The following KLHL1 variants were observed in gnomAD, a reference collection of about 807,000 sequenced individuals.
KLHL1 encodes the protein kelch like family member 1.
KLHL1 carries 47 observed loss-of-function variants against 77.7 expected under a neutral mutation model. The observed-to-expected ratio is 0.60, with a 90% CI of 0.48 to 0.77. The LOEUF (loss-of-function observed/expected upper bound fraction) is 0.77. KLHL1 is among the 30% of genes least tolerant of loss of function. The pLI is 0.00. For missense variants in KLHL1, 925 were observed against 910.8 expected, an observed-to-expected ratio of 1.02 and a Z score of -0.20; for synonymous variants, 360 against 325.2, an observed-to-expected ratio of 1.11 and a Z score of -1.15.
At chr13:69,849,706 A>C (rs1287786995) in intron 5 of KLHL1, among the ~76,000 whole-genome samples, 2 of 121,692 alleles carry the variant, frequency 1.6e-5, no homozygotes, top group Non-Finnish European at 3.5e-5. Context: ...AATATGCTAA[A>C]TTATAAACTT....
chr13:70,061,788 T>C (rs1886895447), intron 1 of KLHL1, among the ~76,000 whole-genome samples: 1 of 152,222 alleles, frequency 6.6e-6, no homozygotes, highest in South Asian at 2.1e-4. Flanking sequence ...TATTTTTGGC[T>C]TATCTTTTTT....
At chr13:69,808,292 T>A (rs1044980875) in intron 6 of KLHL1, among the ~76,000 whole-genome samples, 1 of 152,106 alleles carries the variant, frequency 6.6e-6, no homozygotes, top group African/African-American at 2.4e-5. Context: ...CTTTTCTTCC[T>A]TCTCTGTTGC....
At chr13:70,049,238 G>T (rs1555293448) in intron 1 of KLHL1, among the ~76,000 whole-genome samples, 1 of 150,226 alleles carries the variant, frequency 6.7e-6, no homozygotes, top group Admixed American at 6.6e-5. Flanking sequence ...AGAACTAAAT[G>T]AAAAAAAAAT....
intron 9 of KLHL1, among the ~76,000 whole-genome samples, chr13:69,711,921 G>C (rs1875894974): frequency 6.6e-6 from 1 of 152,088 alleles, no homozygotes; most frequent in African/African-American, 2.4e-5. Flanking sequence ...CTGGTGGGTA[G>C]GTGATGGTAT....
At chr13:69,929,023 G>T (rs1882907817) in intron 4 of KLHL1, among the ~76,000 whole-genome samples, 1 of 151,930 alleles carries the variant, frequency 6.6e-6, no homozygotes, top group African/African-American at 2.4e-5. Flanking sequence ...GTTTTGTGGG[G>T]ACATAACAGT....
At chr13:69,955,424 C>A (rs1264009550) in intron 3 of KLHL1, among the ~76,000 whole-genome samples, 1 of 151,278 alleles carries the variant, frequency 6.6e-6, no homozygotes, top group African/African-American at 2.4e-5. Context: ...TAAAGGTCTG[C>A]CATTTGGCAG....
At chr13:69,721,079 A>ATATATATATATATATATATATAT (rs1555300737) in intron 8 of KLHL1, among the ~76,000 whole-genome samples, 34 of 67,620 alleles carry the variant, frequency 5.0e-4, no homozygotes, top group Non-Finnish European at 8.8e-4. Flanking sequence ...ATATATATAT[A>ATATATATATATATATATATATAT]AAGCTATGTA....
At chr13:69,765,558 C>A (rs573833827) in intron 7 of KLHL1, among the ~76,000 whole-genome samples, 1 of 152,276 alleles carries the variant, frequency 6.6e-6, no homozygotes, top group Non-Finnish European at 1.5e-5. Context: ...GTCCGTGTCA[C>A]AATGTCCATG....
At chr13:69,912,963 C>T (rs1474593374) in intron 4 of KLHL1, among the ~76,000 whole-genome samples, 1 of 152,056 alleles carries the variant, frequency 6.6e-6, no homozygotes, top group African/African-American at 2.4e-5. Context: ...AACATGTGCT[C>T]CCAGTGTGGG....
intron 2 of KLHL1, among the ~76,000 whole-genome samples, chr13:69,964,212 T>TGAGCAAAGAAAA (rs1884148819): frequency 6.6e-6 from 1 of 152,054 alleles, no homozygotes; most frequent in African/African-American, 2.4e-5. Context: ...CCTAGCTAGT[T>TGAGCAAAGAAAA]TTTGAATTTT....
At chr13:69,816,418 G>T (rs1028312264) in intron 6 of KLHL1, among the ~76,000 whole-genome samples, 1 of 151,146 alleles carries the variant, frequency 6.6e-6, no homozygotes, top group East Asian at 2.0e-4. Flanking sequence ...GTGCCGCCAC[G>T]CCTGGCTAAT....
Position 70,063,592 on chromosome 13 carries a change from C to G in KLHL1, c.497+43611G>C, listed in dbSNP as rs116044770. On this transcript the variant is annotated intron_variant, in intron 1 of 10. Coordinates refer to ENST00000377844, the MANE Select transcript of KLHL1 (RefSeq NM_020866.3). Reference sequence around the variant, plus strand: ...TAATATTATACGATATCAGAAACTTCAATATAAGTAAAATATGATTGCAAA... The same window carrying G: ...TAATATTATACGATATCAGAAACTTGAATATAAGTAAAATATGATTGCAAA... Among the ~76,000 whole-genome samples, 1,000 of 151,820 alleles carry G rather than the reference C, an allele frequency of 6.6e-3. 11 individuals carry two copies. The highest frequency in any genetic ancestry group is 0.023 in the African/African-American group (958 of 41,438).
chr13:69,851,635 A>G (rs773470985), intron 5 of KLHL1, among the ~76,000 whole-genome samples: 2 of 151,774 alleles, frequency 1.3e-5, no homozygotes, highest in Non-Finnish European at 2.9e-5. Flanking sequence ...ATTAATAGAC[A>G]TTGGTATTTC....
chr13:69,854,285 C>T (rs948135941), intron 5 of KLHL1, among the ~76,000 whole-genome samples: 3 of 151,852 alleles, frequency 2.0e-5, no homozygotes, highest in Admixed American at 1.3e-4. Context: ...TGTTTCTACT[C>T]ATTGAGGAAG....
At chr13:70,026,704 G>T (rs1441546) in intron 1 of KLHL1, among the ~76,000 whole-genome samples, 4 of 1,434 alleles carry the variant, frequency 2.8e-3, no homozygotes, top group Non-Finnish European at 4.6e-3. Context: ...AGAACTTAGG[G>T]TGTGTGTGTG....
intron 6 of KLHL1, among the ~76,000 whole-genome samples, chr13:69,809,137 T>C (rs1467503379): frequency 6.6e-6 from 1 of 152,130 alleles, no homozygotes; most frequent in Non-Finnish European, 1.5e-5. Flanking sequence ...AAGACATATT[T>C]GAGGATATAA....
intron 4 of KLHL1, among the ~76,000 whole-genome samples, chr13:69,924,016 G>C (rs1297010996): frequency 6.6e-6 from 1 of 152,220 alleles, no homozygotes; most frequent in Non-Finnish European, 1.5e-5. Context: ...CTAAGCCCGA[G>C]GGCTGTTGCA....
chr13:69,763,641 G>A (rs568157969), intron 7 of KLHL1, among the ~76,000 whole-genome samples: 10 of 152,256 alleles, frequency 6.6e-5, no homozygotes, highest in East Asian at 1.9e-4. Context: ...CTAAAGCCCC[G>A]TTTTGGTCAC....
chr13:69,884,548 C>G (rs1477086683), intron 4 of KLHL1, among the ~76,000 whole-genome samples: 2 of 151,704 alleles, frequency 1.3e-5, no homozygotes, highest in East Asian at 3.9e-4. Context: ...ACACACAGAA[C>G]TCTATAGCTA....
Sources: allele counts gnomAD v4.1 joint callset (sites outside exome capture counted in the v4.1 genomes callset), GRCh38; gene constraint gnomAD v4.1.1; transcripts MANE v1.5; gene names NCBI Gene and HGNC (gene_info 2026-07-23, HGNC 2026-07-21).